The following RABGAP1 variants were observed in gnomAD, a reference collection of about 807,000 sequenced individuals.
RABGAP1 encodes the protein rab GTPase-activating protein 1.
RABGAP1 carries 23 observed loss-of-function variants against 137.6 expected under a neutral mutation model. That is an observed-to-expected ratio of 0.17 (90% CI 0.12 to 0.24). The LOEUF is 0.24. RABGAP1 is among the 10% of genes least tolerant of loss of function. The pLI is 1.00. For synonymous variants in RABGAP1, 451 were observed against 450.7 expected (o/e 1.00, Z -0.01); for missense variants, 906 against 1,275.8 (o/e 0.71, Z 4.42).
At chr9:123,064,014 AT>A (rs1183595536) in intron 13 of RABGAP1, among the ~76,000 whole-genome samples, 1 of 152,010 alleles carries the variant, frequency 6.6e-6, no homozygotes, top group Non-Finnish European at 1.5e-5. Flanking sequence ...CCGCCCCAAA[AT>A]TTGTGTGCGT....
chr9:123,029,516 C>T, intron 13 of RABGAP1: 1 of 868,794 alleles, frequency 1.2e-6, no homozygotes, highest in South Asian at 1.3e-5. Flanking sequence ...CAGGGAACCT[C>T]AAATCTTCAG....
At chr9:122,979,526 G>A (rs1835940278) in intron 2 of RABGAP1, among the ~76,000 whole-genome samples, 4 of 152,058 alleles carry the variant, frequency 2.6e-5, no homozygotes, top group Non-Finnish European at 5.9e-5. Flanking sequence ...TATGTCCTAA[G>A]AAATCTCTAT....
At chr9:123,089,904 G>T in intron 20 of RABGAP1, 54 bp downstream of exon 20, 1 of 1,455,804 alleles carries the variant, frequency 6.9e-7, no homozygotes, top group Non-Finnish European at 9.6e-7. Context: ...CATTTCATAT[G>T]ATTGCGCCTG....
intron 1 of RABGAP1, among the ~76,000 whole-genome samples, chr9:122,955,089 C>T (rs1329063400): frequency 2.6e-5 from 4 of 152,258 alleles, no homozygotes; most frequent in African/African-American, 7.2e-5. Flanking sequence ...ATTTTTACAT[C>T]ATGAGTGATG....
chr9:123,087,369 G>C lies in RABGAP1; in HGVS notation c.2425-2389G>C, dbSNP rs17231829. Among the ~76,000 whole-genome samples, 117 of 152,218 alleles carry C rather than the reference G, an allele frequency of 7.7e-4. 1 individual carries two copies. Among genetic ancestry groups the C allele is most frequent in the Non-Finnish European group, 1.6e-3 (111 of 68,016 alleles). On this transcript the variant is annotated intron_variant, in intron 19 of 25. Coordinates refer to ENST00000373647, the MANE Select transcript of RABGAP1 (RefSeq NM_012197.4). ...TGTTTTTTTTTAATAAAGTGCCATG[G>C]GAGCCTCATAACCACTGCCCTTCCT...
intron 13 of RABGAP1, among the ~76,000 whole-genome samples, chr9:123,058,126 G>A (rs1301459854): frequency 1.3e-5 from 2 of 152,110 alleles, no homozygotes; most frequent in African/African-American, 4.8e-5. Flanking sequence ...TGTGGAAACT[G>A]TCTTTTCTCC....
chr9:122,974,756 G>A (rs940294320), intron 2 of RABGAP1, among the ~76,000 whole-genome samples: 14 of 151,980 alleles, frequency 9.2e-5, no homozygotes, highest in East Asian at 1.9e-4. Context: ...GTTCTTTCCC[G>A]TCCTCTTTTT....
chr9:123,103,065 C>T, intron 25 of RABGAP1, 26 bp from the exon 26 acceptor site: 2 of 1,609,128 alleles, frequency 1.2e-6, no homozygotes, highest in Non-Finnish European at 1.7e-6. Flanking sequence ...AGCCCAGCAT[C>T]CTCATGCACA....
At chr9:122,964,410 AC>A (rs1835018267) in intron 2 of RABGAP1, among the ~76,000 whole-genome samples, 1 of 152,330 alleles carries the variant, frequency 6.6e-6, no homozygotes, top group African/African-American at 2.4e-5. Context: ...GGTTAGTTTA[AC>A]ATCTGAAAAT....
At position 122,944,980 on chromosome 9, in the gene RABGAP1, T is replaced by G. The variant is rs1470672371; in HGVS notation, c.-50+3887T>G. The stretch of plus-strand genomic sequence containing the variant: ...CTCAAATATTTAAGAAGTGCTCATT[T>G]AAGGTACGTAAAGCAGAATTTGGCA... On this transcript the variant is annotated intron_variant, in intron 1 of 25. Coordinates refer to ENST00000373647, the MANE Select transcript of RABGAP1 (RefSeq NM_012197.4). Among the ~76,000 whole-genome samples the G allele has an allele frequency of 5.9e-5, 9 of 152,110 alleles. No individual in the cohort carries two copies. In the East Asian group the frequency reaches 1.7e-3, roughly 29 times the overall value.
At chr9:122,972,978 TA>T (rs10686868) in intron 2 of RABGAP1, among the ~76,000 whole-genome samples, 3 of 145,108 alleles carry the variant, frequency 2.1e-5, no homozygotes, top group African/African-American at 7.5e-5. Context: ...CTTTATATAT[TA>T]AAAAAAAAAA....
chr9:123,092,676 AT>A (rs2035065920), intron 21 of RABGAP1, among the ~76,000 whole-genome samples: 1 of 152,136 alleles, frequency 6.6e-6, no homozygotes, highest in African/African-American at 2.4e-5. Flanking sequence ...AAGAGCTAAC[AT>A]TTCTTGAGCA....
At chr9:123,086,650 A>G (rs868587725) in intron 19 of RABGAP1, among the ~76,000 whole-genome samples, 1 of 131,436 alleles carries the variant, frequency 7.6e-6, no homozygotes, top group Non-Finnish European at 1.6e-5. Flanking sequence ...ATGAGAAGCT[A>G]TGGTGTTTTT....
chr9:122,984,366 C>T (rs1158614664), intron 2 of RABGAP1, 119 bp from the exon 3 acceptor site: 1 of 835,238 alleles, frequency 1.2e-6, no homozygotes. Flanking sequence ...AAAAAACATT[C>T]AGAAGATATC....
At chr9:123,097,006 C>A (rs2035205311) in intron 21 of RABGAP1, among the ~76,000 whole-genome samples, 1 of 152,220 alleles carries the variant, frequency 6.6e-6, no homozygotes, top group South Asian at 2.1e-4. Flanking sequence ...CAGGGAAATC[C>A]TATCCATATC....
At chr9:123,090,852 C>T (rs1402144251) in intron 21 of RABGAP1, among the ~76,000 whole-genome samples, 4 of 152,174 alleles carry the variant, frequency 2.6e-5, no homozygotes, top group Non-Finnish European at 4.4e-5. Flanking sequence ...TTTCATTTTT[C>T]TTTGCTTCTC....
At chr9:122,938,846 C>A (rs1216376499), upstream of RABGAP1, 2 of 152,144 alleles carry the variant, frequency 1.3e-5, no homozygotes, top group African/African-American at 4.8e-5. Context: ...ACAAGGCTTG[C>A]AGGAACAAGC....
intron 2 of RABGAP1, among the ~76,000 whole-genome samples, chr9:122,966,975 A>C (rs1312909447): frequency 6.6e-6 from 1 of 152,230 alleles, no homozygotes; most frequent in Non-Finnish European, 1.5e-5. Flanking sequence ...TCCATGATTT[A>C]ATTACCTCCC....
At chr9:123,071,069 A>C (rs1248297268) in intron 15 of RABGAP1, among the ~76,000 whole-genome samples, 1 of 152,176 alleles carries the variant, frequency 6.6e-6, no homozygotes, top group Admixed American at 6.5e-5. Context: ...AAGACTTCTA[A>C]ATACTTGATC....
Sources: allele counts gnomAD v4.1 joint callset (sites outside exome capture counted in the v4.1 genomes callset), GRCh38; gene constraint gnomAD v4.1.1; transcripts MANE v1.5; gene names NCBI Gene and HGNC (gene_info 2026-07-23, HGNC 2026-07-21).